Variants in NTNG1 observed in about 807,000 individuals in gnomAD.
NTNG1 encodes netrin-G1.
A neutral mutation model predicts 54.0 loss-of-function variants in NTNG1; 16 were observed. The ratio of observed to expected loss-of-function variants is 0.30; its 90% CI spans 0.20 to 0.45. The LOEUF is 0.45. Among genes scored for constraint, NTNG1 ranks in the 20% least tolerant of loss-of-function variants. The pLI is 1.00. For missense variants in NTNG1, 530 were observed against 678.7 expected, an observed-to-expected ratio of 0.78 and a Z score of 2.43; for synonymous variants, 255 against 263.1, an observed-to-expected ratio of 0.97 and a Z score of 0.30.
intron 2 of NTNG1, among the ~76,000 whole-genome samples, chr1:107,209,023 T>C (rs1188550524): frequency 1.3e-5 from 2 of 152,136 alleles, no homozygotes; most frequent in Admixed American, 6.5e-5. Context: ...GTATTTTGTG[T>C]TCATGAGCTT....
rs17019020 is a variant in NTNG1, at chr1:107,429,277, A to C, written c.1088-1473A>C. 5.8e-3 allele frequency among the ~76,000 whole-genome samples: 881 copies of C among 152,222 alleles called. 13 individuals are homozygous for C. The highest frequency in any genetic ancestry group is 0.02 in the African/African-American group (842 of 41,548). ...GATTTCATTCCATCAGGACCTTGTT[A>C]TCAGCTTCCTATTGTAGTAACTAGC... is the stretch of plus-strand genomic sequence containing the variant. On this transcript the variant is annotated intron_variant, in intron 5 of 7. Transcript: ENST00000370068.
chr1:107,220,668 T>G (rs1040675687), intron 2 of NTNG1, among the ~76,000 whole-genome samples: 6 of 152,226 alleles, frequency 3.9e-5, no homozygotes, highest in Non-Finnish European at 7.3e-5. Context: ...GGACTGTGTC[T>G]CATAGGATTG....
At chr1:107,416,315 A>G (rs948407782) in intron 5 of NTNG1, among the ~76,000 whole-genome samples, 1 of 151,506 alleles carries the variant, frequency 6.6e-6, no homozygotes, top group Non-Finnish European at 1.5e-5. Flanking sequence ...AATTATTTGA[A>G]AAAAAAAAGT....
chr1:107,401,042 A>G (rs985643269), intron 4 of NTNG1, among the ~76,000 whole-genome samples: 4 of 152,134 alleles, frequency 2.6e-5, no homozygotes, highest in Admixed American at 2.6e-4. Context: ...ATATTCTTGT[A>G]TCTCCTGGAA....
At chr1:107,254,197 T>C (rs1370409479) in intron 2 of NTNG1, among the ~76,000 whole-genome samples, 1 of 152,220 alleles carries the variant, frequency 6.6e-6, no homozygotes, top group Non-Finnish European at 1.5e-5. Flanking sequence ...ACACCTACAG[T>C]GGTGGCTAGA....
intron 2 of NTNG1, among the ~76,000 whole-genome samples, chr1:107,298,632 C>T (rs192024117): frequency 2.6e-5 from 4 of 152,216 alleles, no homozygotes; most frequent in South Asian, 2.1e-4. Context: ...CTTTTCCTCC[C>T]GCTTATTTTG....
chr1:107,275,798 T>C (rs369261450), intron 2 of NTNG1, among the ~76,000 whole-genome samples: 1 of 152,156 alleles, frequency 6.6e-6, no homozygotes, highest in South Asian at 2.1e-4. Context: ...CTTACAAAAA[T>C]ACCCTCACAG....
intron 2 of NTNG1, among the ~76,000 whole-genome samples, chr1:107,169,769 C>G (rs970376497): frequency 6.6e-6 from 1 of 152,196 alleles, no homozygotes; most frequent in Admixed American, 6.5e-5. Flanking sequence ...ATTAAGACAT[C>G]GAATCTTCAC....
At chr1:107,292,214 G>T (rs1665649738) in intron 2 of NTNG1, among the ~76,000 whole-genome samples, 1 of 152,190 alleles carries the variant, frequency 6.6e-6, no homozygotes, top group South Asian at 2.1e-4. Context: ...AAATACCAGT[G>T]TTGCCAGTGG....
intron 7 of NTNG1, among the ~76,000 whole-genome samples, chr1:107,454,752 A>G (rs957430828): frequency 2.6e-5 from 4 of 152,222 alleles, no homozygotes; most frequent in African/African-American, 9.6e-5. Context: ...CATCATCATC[A>G]TGGCAGGCTC....
intron 3 of NTNG1, among the ~76,000 whole-genome samples, chr1:107,331,437 T>C (rs1285116305): frequency 6.6e-6 from 1 of 152,136 alleles, no homozygotes; most frequent in East Asian, 1.9e-4. Context: ...AACTTTCAAA[T>C]GTGTGATTGG....
At chr1:107,182,319 A>G (rs982565998) in intron 2 of NTNG1, among the ~76,000 whole-genome samples, 1 of 152,162 alleles carries the variant, frequency 6.6e-6, no homozygotes, top group Non-Finnish European at 1.5e-5. Flanking sequence ...AACATGCCAC[A>G]TGTTTAATGA....
chr1:107,484,783 G>A lies in NTNG1; in HGVS notation c.*3943G>A, dbSNP rs958328392. Reference sequence around the variant, plus strand: ...TTCACCCTCTACCATCAATAATCCAGTATGATTGGGATGTAAAGACCCAGC... The same window carrying A: ...TTCACCCTCTACCATCAATAATCCAATATGATTGGGATGTAAAGACCCAGC... On this transcript the variant is annotated 3_prime_UTR_variant, in exon 8 of 8. Coordinates refer to ENST00000370068, the MANE Select transcript of NTNG1 (RefSeq NM_001113226.3). Among the ~76,000 whole-genome samples, 4 of 152,164 alleles carry A rather than the reference G, an allele frequency of 2.6e-5. No individual in the cohort carries two copies. The highest frequency in any genetic ancestry group is 1.3e-4 in the Admixed American group (2 of 15,276).
intron 2 of NTNG1, among the ~76,000 whole-genome samples, chr1:107,233,475 G>A (rs555670703): frequency 2.6e-5 from 4 of 152,242 alleles, no homozygotes; most frequent in African/African-American, 9.6e-5. Context: ...CAATTTCAAA[G>A]CCCATCCTTA....
intron 5 of NTNG1, among the ~76,000 whole-genome samples, chr1:107,427,252 G>T (rs919110080): frequency 2.0e-5 from 3 of 152,016 alleles, no homozygotes; most frequent in Admixed American, 6.6e-5. Context: ...CTGGGATCAA[G>T]ATTTCCTTAT....
At chr1:107,206,442 T>C (rs1307923031) in intron 2 of NTNG1, among the ~76,000 whole-genome samples, 5 of 152,194 alleles carry the variant, frequency 3.3e-5, no homozygotes, top group Admixed American at 3.3e-4. Flanking sequence ...CCATCCATTA[T>C]GATGGACTTT....
chr1:107,439,277 C>CGCGT (rs1553247409), intron 7 of NTNG1, among the ~76,000 whole-genome samples: 4 of 145,784 alleles, frequency 2.7e-5, no homozygotes, highest in Admixed American at 6.9e-5. Context: ...CCAGAACTTG[C>CGCGT]GTGTGTGTGT....
At chr1:107,373,888 G>T (rs1446605017) in intron 3 of NTNG1, among the ~76,000 whole-genome samples, 1 of 151,938 alleles carries the variant, frequency 6.6e-6, no homozygotes, top group Non-Finnish European at 1.5e-5. Context: ...TTTTTGTAAA[G>T]ACAGGGTCTT....
chr1:107,187,148 C>T (rs933158695), intron 2 of NTNG1, among the ~76,000 whole-genome samples: 2 of 151,964 alleles, frequency 1.3e-5, no homozygotes, highest in Non-Finnish European at 2.9e-5. Context: ...TTCTTTTCTT[C>T]GTTTTGCCTA....
Sources: gnomAD v4.1 joint callset for allele counts (sites outside exome capture counted in the v4.1 genomes callset) on GRCh38, gnomAD v4.1.1 for gene constraint, MANE v1.5 for transcripts, NCBI Gene and HGNC (gene_info 2026-07-23, HGNC 2026-07-21) for gene names.